Variants in IFNA4 observed in about 807,000 individuals in gnomAD.
IFNA4 encodes interferon alpha 4, also known as interferon alpha-4.
For missense variants in IFNA4, 225 were observed against 214.9 expected (o/e 1.05, Z -0.29); for synonymous variants, 84 against 86.0 (o/e 0.98, Z 0.13).
At chr9:21,187,308 T>G in exon 1 of IFNA4, 2 of 1,613,976 alleles carry the variant, frequency 1.2e-6, no homozygotes, top group Middle Eastern at 1.7e-4. Flanking sequence ...AGAGATGGCT[T>G]GAGCCTTCTG....
exon 1 of IFNA4, chr9:21,187,362 T>C (rs776209495): frequency 2.5e-6 from 4 of 1,614,172 alleles, no homozygotes; most frequent in South Asian, 1.1e-5. Flanking sequence ...TCCGAAATCA[T>C]GTCTGTCCTT....
At chr9:21,187,433 A>G (rs749622766) in exon 1 of IFNA4, 2 of 1,614,178 alleles carry the variant, frequency 1.2e-6, no homozygotes, top group Non-Finnish European at 1.7e-6. Flanking sequence ...CCCTCCTATT[A>G]CCCAGGCTGT....
At chr9:21,186,935 A>G (rs201666985) in exon 1 of IFNA4, 1 of 1,612,992 alleles carries the variant, frequency 6.2e-7, no homozygotes, top group East Asian at 2.2e-5. Flanking sequence ...TTAGTCAATC[A>G]GGATCATTTC....
exon 1 of IFNA4, chr9:21,187,248 T>C (rs1172713184): frequency 1.2e-6 from 2 of 1,610,532 alleles, no homozygotes; most frequent in Admixed American, 3.4e-5. Context: ...AGCAGATGAG[T>C]CCTCTGTGCT....
rs1472683562 is a variant in IFNA4 at position 21,187,231 on chromosome 9, C to G, written c.301G>C (p.Glu101Gln). The G allele has an allele frequency of 3.7e-6, 6 of 1,612,576 alleles. No homozygotes were observed. The South Asian group carries it at 6.6e-5, about 18-fold the overall frequency. The change falls in exon 1 of 1, where the codon GAA (glutamate) becomes CAA (glutamine). Residue 101 changes from glutamate to glutamine, a missense_variant. Glu to Gln is a conservative substitution (Grantham distance 29). Transcript: ENST00000421715. The stretch of plus-strand genomic sequence containing the variant: ...GAAAATTTTTCTAGGAGGCTCTGTT[C>G]CCAAGCAGCAGATGAGTCCTCTGTG...
exon 1 of IFNA4, chr9:21,186,819 G>C (rs1419251917): frequency 2.9e-6 from 4 of 1,367,010 alleles, no homozygotes; most frequent in Non-Finnish European, 3.0e-6. Flanking sequence ...TATACACCAA[G>C]CTTCTTCACA....
At chr9:21,187,510 G>C in exon 1 of IFNA4, 1 of 1,610,698 alleles carries the variant, frequency 6.2e-7, no homozygotes, top group Non-Finnish European at 8.5e-7. Context: ...ACGGCCATCA[G>C]TAAAGAAAAG....
exon 1 of IFNA4, chr9:21,187,166 A>G (rs1385826459): frequency 1.9e-6 from 3 of 1,613,828 alleles, no homozygotes; most frequent in Non-Finnish European, 1.7e-6. Flanking sequence ...CCTGTATCAC[A>G]CATGCTTCCA....
chr9:21,186,824 T>G, exon 1 of IFNA4: 2 of 1,429,148 alleles, frequency 1.4e-6, no homozygotes, highest in Non-Finnish European at 1.9e-6. Context: ...ACCAAGCTTC[T>G]TCACACTGCT....
Position 21,187,062 on chromosome 9 carries a change from T to G in IFNA4, c.470A>C (p.Lys157Thr), listed in dbSNP as rs762226082. 1.9e-6 allele frequency: 3 copies of G among 1,614,080 alleles called. No individual in the cohort carries two copies. The African/African-American group carries it at 4.0e-5, about 22-fold the overall frequency. ...CTCCCAGGCACAAGGGCTGTATTTC[T>G]TCTCTGTTAGATAAAGAGTGATTCT... The change falls in exon 1 of 1, where the codon AAG (lysine) becomes ACG (threonine). Residue 157 changes from lysine to threonine, a missense_variant. Lys to Thr is a moderately conservative substitution (Grantham distance 78, BLOSUM62 -1). Transcript: ENST00000421715.
At chr9:21,187,110 A>G (rs373398612) in exon 1 of IFNA4, 13 of 1,614,024 alleles carry the variant, frequency 8.1e-6, no homozygotes, top group African/African-American at 4.0e-5. Context: ...CCTCACAGCC[A>G]GGATGGAGTC....
At chr9:21,186,926 T>C (rs1392901169) in exon 1 of IFNA4, 1 of 1,611,370 alleles carries the variant, frequency 6.2e-7, no homozygotes, top group Non-Finnish European at 8.5e-7. Flanking sequence ...GATAATGTAT[T>C]AGTCAATCAG....
At chr9:21,186,767 A>G in exon 1 of IFNA4, 1 of 522,182 alleles carries the variant, frequency 1.9e-6, no homozygotes, top group Non-Finnish European at 3.2e-6. Context: ...ATGAACAGAG[A>G]CATCAGCATT....
rs746658925 is a variant in IFNA4, at chr9:21,187,424, C to G, written c.108G>C (p.Arg36Ser). ...CCATTTGTGCCAGGAGTATCAAGGCCCTCCTATTACCCAGGCTGTGGGTCT... is the reference window on the plus strand; with the variant it reads ...CCATTTGTGCCAGGAGTATCAAGGCGCTCCTATTACCCAGGCTGTGGGTCT... The change falls in exon 1 of 1, where the codon AGG becomes AGC. Residue 36 changes from arginine (R) to serine (S), a missense_variant. By Grantham distance (110) the Arg-to-Ser change is moderately radical. Coordinates refer to ENST00000421715, the Ensembl canonical transcript of IFNA4. The G allele has an allele frequency of 1.5e-5, 24 of 1,614,090 alleles. No homozygotes were observed. The South Asian group carries it at 2.5e-4, about 17-fold the overall frequency.
chr9:21,186,839 A>G, exon 1 of IFNA4: 1 of 1,516,818 alleles, frequency 6.6e-7, no homozygotes. Flanking sequence ...ACTGCTGAAA[A>G]CATTTGAAAA....
chr9:21,187,573 C>A, exon 1 of IFNA4: 15 of 1,558,072 alleles, frequency 9.6e-6, no homozygotes, highest in South Asian at 1.2e-5. Flanking sequence ...AGATGGATAA[C>A]CTTGAACTTC....
At chr9:21,186,723 A>C (rs1229136978) in exon 1 of IFNA4, 1 of 285,692 alleles carries the variant, frequency 3.5e-6, no homozygotes, top group East Asian at 7.9e-5. Context: ...AAATAATTTA[A>C]ATTTTAAAAA....
chr9:21,186,874 T>C (rs1389237209), exon 1 of IFNA4: 11 of 1,579,338 alleles, frequency 7.0e-6, no homozygotes, highest in African/African-American at 1.4e-5. Flanking sequence ...GTGGTGGTTA[T>C]AGAAGTGAGT....
Position 21,187,062 on chromosome 9 carries a change from T to C in IFNA4, c.470A>G (p.Lys157Arg), listed in dbSNP as rs762226082. Reference sequence around the variant, plus strand: ...CTCCCAGGCACAAGGGCTGTATTTCTTCTCTGTTAGATAAAGAGTGATTCT... The same window carrying C: ...CTCCCAGGCACAAGGGCTGTATTTCCTCTCTGTTAGATAAAGAGTGATTCT... The change falls in exon 1 of 1, where the codon AAG becomes AGG. Residue 157 changes from lysine to arginine, a missense_variant. Coordinates refer to ENST00000421715, the Ensembl canonical transcript of IFNA4. 1.1e-5 allele frequency: 18 copies of C among 1,614,184 alleles called. No homozygotes were observed. The East Asian group carries it at 2.9e-4, about 26-fold the overall frequency.
Sources: gnomAD v4.1 joint callset for allele counts on GRCh38, gnomAD v4.1.1 for gene constraint, MANE v1.5 for transcripts, NCBI Gene and HGNC (gene_info 2026-07-23, HGNC 2026-07-21) for gene names.